UBE2V2: variants seen among roughly 807,000 people sequenced by gnomAD.
The protein encoded by UBE2V2 is ubiquitin conjugating enzyme E2 V2.
A neutral mutation model predicts 17.2 loss-of-function variants in UBE2V2; 9 were observed. The ratio of observed to expected loss-of-function variants is 0.52; its 90% CI spans 0.32 to 0.91. The LOEUF (loss-of-function observed/expected upper bound fraction) is 0.91, where lower values mean the gene tolerates loss of function less well. UBE2V2 is among the 40% of genes least tolerant of loss of function. The pLI is 0.04. For missense variants in UBE2V2, 133 were observed against 182.6 expected (o/e 0.73, Z 1.56); for synonymous variants, 61 against 57.5 (o/e 1.06, Z -0.28).
chr8:48,059,667 T>G (rs956751382), intron 3 of UBE2V2, among the ~76,000 whole-genome samples: 2 of 152,154 alleles, frequency 1.3e-5, no homozygotes, highest in African/African-American at 4.8e-5. Context: ...CGCCTTGGCC[T>G]CCCAAAACGT....
rs1213541101 is a variant in UBE2V2 at position 48,064,069 on chromosome 8, A to G, written c.*3241A>G. ...GTAGCCTGCCATCAAAACTGTATCA[A>G]CTCTTTTAATGAGCATGTGACTGTA... On this transcript the variant is annotated 3_prime_UTR_variant, in exon 4 of 4. Transcript: ENST00000523111. 1 of 152,146 alleles carries G rather than the reference A, an allele frequency of 6.6e-6. No homozygotes were observed. Among genetic ancestry groups the G allele is most frequent in the Non-Finnish European group, 1.5e-5 (1 of 68,026 alleles). The allele number at this position is 152,146 out of a possible 1,614,324, so 9.4% of individuals were successfully genotyped here.
intron 1 of UBE2V2, among the ~76,000 whole-genome samples, chr8:48,037,850 C>T (rs945331451): frequency 2.6e-5 from 4 of 152,176 alleles, no homozygotes; most frequent in African/African-American, 9.7e-5. Context: ...TCTTTTATAA[C>T]AGCTGATACT....
chr8:48,007,788 T>G (rs995552352), upstream of UBE2V2, among the ~76,000 whole-genome samples: 15 of 151,758 alleles, frequency 9.9e-5, no homozygotes, highest in Admixed American at 8.5e-4. Context: ...CAGGCTGGAG[T>G]GCAGCGATTT....
At chr8:48,049,008 A>C (rs1245863944) in intron 2 of UBE2V2, among the ~76,000 whole-genome samples, 1 of 151,966 alleles carries the variant, frequency 6.6e-6, no homozygotes, top group Non-Finnish European at 1.5e-5. Context: ...TGCTGTTTTA[A>C]TGGTACACTA....
At chr8:48,052,703 G>T (rs2091546739) in intron 3 of UBE2V2, among the ~76,000 whole-genome samples, 1 of 152,190 alleles carries the variant, frequency 6.6e-6, no homozygotes, top group African/African-American at 2.4e-5. Context: ...GAGACAAATT[G>T]CGTCGTGTCA....
At chr8:48,053,575 C>T (rs1235935235) in intron 3 of UBE2V2, among the ~76,000 whole-genome samples, 2 of 151,824 alleles carry the variant, frequency 1.3e-5, no homozygotes, top group Non-Finnish European at 2.9e-5. Flanking sequence ...AGGCATGTGC[C>T]ACCACGTCCA....
intron 1 of UBE2V2, among the ~76,000 whole-genome samples, chr8:48,037,140 T>A (rs1417132732): frequency 6.6e-6 from 1 of 152,248 alleles, no homozygotes; most frequent in Non-Finnish European, 1.5e-5. Flanking sequence ...GATCGTGCCA[T>A]TGCACTCTGT....
upstream of UBE2V2, chr8:48,008,413 TCGTG>T (rs759614925): frequency 1.9e-6 from 3 of 1,558,310 alleles, no homozygotes; most frequent in African/African-American, 1.4e-5. Flanking sequence ...GCGCGACGGT[TCGTG>T]CGTGCGTGCG....
At chr8:48,006,433 G>C (rs1367803584), upstream of UBE2V2, among the ~76,000 whole-genome samples, 1 of 152,136 alleles carries the variant, frequency 6.6e-6, no homozygotes, top group Non-Finnish European at 1.5e-5. Flanking sequence ...AGTATAGTTT[G>C]AAGTCAGGTA....
chr8:48,018,103 CT>C (rs377560941), intron 1 of UBE2V2, among the ~76,000 whole-genome samples: 8 of 152,298 alleles, frequency 5.3e-5, no homozygotes, highest in African/African-American at 1.9e-4. Flanking sequence ...TCCCAAAGTG[CT>C]GGGATTACAG....
chr8:48,031,841 T>G (rs1589856799), intron 1 of UBE2V2, among the ~76,000 whole-genome samples: 1 of 152,006 alleles, frequency 6.6e-6, no homozygotes, highest in Admixed American at 6.6e-5. Context: ...GAGACGGGGG[T>G]TTCACCATGT....
chr8:48,000,597 A>G, the UBE2V2 span, among the ~76,000 whole-genome samples: 7 of 151,862 alleles, frequency 4.6e-5, no homozygotes, highest in African/African-American at 1.2e-4. Context: ...CGAGGTGGGC[A>G]GATCACGAGG....
the UBE2V2 span, among the ~76,000 whole-genome samples, chr8:47,997,735 T>G: frequency 1.3e-5 from 2 of 151,782 alleles, no homozygotes; most frequent in Non-Finnish European, 2.9e-5. Flanking sequence ...CTGCTGGGCA[T>G]GCTGGGCTCG....
chr8:48,026,870 C>T (rs952959545), intron 1 of UBE2V2, among the ~76,000 whole-genome samples: 7 of 152,190 alleles, frequency 4.6e-5, no homozygotes, highest in African/African-American at 1.2e-4. Flanking sequence ...CTGCTGTAAA[C>T]ATTTATGTAC....
chr8:48,055,200 CTTTTTTT>C (rs5891260), intron 3 of UBE2V2, among the ~76,000 whole-genome samples: 1 of 134,482 alleles, frequency 7.4e-6, no homozygotes, highest in Non-Finnish European at 1.6e-5. Flanking sequence ...GTTTCTTTTC[CTTTTTTT>C]TTTTTTTTTG....
intron 1 of UBE2V2, among the ~76,000 whole-genome samples, chr8:48,032,346 G>T (rs958622380): frequency 1.3e-5 from 2 of 152,138 alleles, no homozygotes; most frequent in African/African-American, 2.4e-5. Flanking sequence ...TTCAGCAAAA[G>T]AATATTACCT....
intron 1 of UBE2V2, among the ~76,000 whole-genome samples, chr8:48,024,365 G>A (rs1419424029): frequency 2.0e-5 from 3 of 152,216 alleles, no homozygotes; most frequent in African/African-American, 7.2e-5. Flanking sequence ...GGAGGCCAGG[G>A]TAGGTGGATC....
At chr8:48,024,451 T>C (rs1377302921) in intron 1 of UBE2V2, among the ~76,000 whole-genome samples, 1 of 151,870 alleles carries the variant, frequency 6.6e-6, no homozygotes, top group Non-Finnish European at 1.5e-5. Context: ...CAAAATTAGC[T>C]GGGCATGGTG....
rs1266664434 is a variant in UBE2V2, at chr8:48,062,939, G to T, written c.*2111G>T. ...TCTTTAAAAATTTTTAATGGTTAAA[G>T]ATTAAATTGAATGAAACTGTAGTCT... On this transcript the variant is annotated 3_prime_UTR_variant, in exon 4 of 4. Coordinates refer to ENST00000523111, the MANE Select transcript of UBE2V2 (RefSeq NM_003350.3). 1.3e-5 allele frequency: 2 copies of T among 152,180 alleles called. No individual in the cohort carries two copies. The highest frequency in any genetic ancestry group is 2.9e-5 in the Non-Finnish European group (2 of 68,032). 9.4% of individuals were successfully genotyped at this position (152,180 alleles called of 1,614,324 possible).
Sources: allele counts gnomAD v4.1 joint callset (sites outside exome capture counted in the v4.1 genomes callset), GRCh38; gene constraint gnomAD v4.1.1; transcripts MANE v1.5; gene names NCBI Gene and HGNC (gene_info 2026-07-23, HGNC 2026-07-21).